SLFN12L: variants seen among roughly 807,000 people sequenced by gnomAD.
SLFN12L encodes schlafen family member 12-like.
In SLFN12L, 34 loss-of-function variants were observed where a neutral mutation model predicts 34.8. The observed-to-expected ratio is 0.98, with a 90% CI of 0.74 to 1.30. SLFN12L has a LOEUF of 1.30. Among genes scored for constraint, SLFN12L ranks in the 50% most tolerant of loss-of-function variants. The probability of loss-of-function intolerance (pLI) is 0.00; values close to 1 mark genes in which losing one functional copy is unlikely to be tolerated. For synonymous variants in SLFN12L, 259 were observed against 247.5 expected (o/e 1.05, Z -0.44); for missense variants, 703 against 696.2 (o/e 1.01, Z -0.11).
chr17:35,497,440 A>T (rs1915129980), intron 2 of SLFN12L, among the ~76,000 whole-genome samples: 1 of 152,016 alleles, frequency 6.6e-6, no homozygotes, highest in African/African-American at 2.4e-5. Context: ...ATAATTTTTT[A>T]AAAAAGCAAA....
intron 2 of SLFN12L, among the ~76,000 whole-genome samples, chr17:35,497,885 G>C (rs1915144809): frequency 6.6e-6 from 1 of 152,134 alleles, no homozygotes; most frequent in East Asian, 1.9e-4. Context: ...AAAAGTCTTA[G>C]TAAGGAAAGG....
At chr17:35,527,737 G>C (rs2072352261) in intron 1 of SLFN12L, among the ~76,000 whole-genome samples, 1 of 152,114 alleles carries the variant, frequency 6.6e-6, no homozygotes, top group African/African-American at 2.4e-5. Flanking sequence ...CAAACCCACA[G>C]CCAGTATCAT....
rs1177886203 is a variant in SLFN12L, at chr17:35,473,414, G to T, written c.*1509C>A. On this transcript the variant is annotated 3_prime_UTR_variant, in exon 5 of 5. Transcript: ENST00000628453. ...TCTGCATCTATTGAGATAATCATAT[G>T]GTTTTTGTCATTGTTTCTGTTTATG... Among the ~76,000 whole-genome samples the T allele has an allele frequency of 6.6e-6, 1 of 152,084 alleles. No individual in the cohort carries two copies. The highest frequency in any genetic ancestry group is 1.9e-4 in the East Asian group (1 of 5,194).
At chr17:35,521,343 T>G (rs967793572) in intron 2 of SLFN12L, among the ~76,000 whole-genome samples, 1 of 152,176 alleles carries the variant, frequency 6.6e-6, no homozygotes, top group Admixed American at 6.5e-5. Flanking sequence ...TGAACCACAG[T>G]AATGTGGTAA....
At chr17:35,491,879 A>G (rs1914852032) in intron 2 of SLFN12L, among the ~76,000 whole-genome samples, 1 of 152,170 alleles carries the variant, frequency 6.6e-6, no homozygotes, top group Admixed American at 6.5e-5. Flanking sequence ...CCTGTTTTCA[A>G]ATATACTTGT....
chr17:35,534,282 A>T (rs2072438404), intron 1 of SLFN12L, among the ~76,000 whole-genome samples: 1 of 152,190 alleles, frequency 6.6e-6, no homozygotes, highest in Non-Finnish European at 1.5e-5. Context: ...GAATCTCTTG[A>T]ACCCGGGAAG....
chr17:35,499,802 AC>A (rs1403424390), intron 2 of SLFN12L: 1 of 206,658 alleles, frequency 4.8e-6, no homozygotes, highest in African/African-American at 2.4e-5. Flanking sequence ...TCAGTGTTCA[AC>A]CTTTTTTGGT....
chr17:35,518,485 A>G (rs1915902409), intron 2 of SLFN12L, among the ~76,000 whole-genome samples: 1 of 150,560 alleles, frequency 6.6e-6, no homozygotes, highest in Non-Finnish European at 1.5e-5. Context: ...CAGGAGGCAG[A>G]GGTTGCAGTA....
At position 35,515,707 on chromosome 17, in the gene SLFN12L, G is replaced by A. The variant is rs377628650; in HGVS notation, c.86+6572C>T. Reference sequence around the variant, plus strand: ...TGCCCAGGCTGGAGTGAAGTGGCACGATCTTGGCTCACTGCAACCTCCATC... The same window carrying A: ...TGCCCAGGCTGGAGTGAAGTGGCACAATCTTGGCTCACTGCAACCTCCATC... On this transcript the variant is annotated intron_variant, in intron 2 of 4. Transcript: ENST00000628453. Among the ~76,000 whole-genome samples the A allele has an allele frequency of 3.3e-4, 45 of 135,922 alleles. No homozygotes were observed. In the East Asian group the frequency reaches 9.8e-3, roughly 30 times the overall value. 89.2% of individuals were successfully genotyped at this position (135,922 alleles called of 152,430 possible). A position where few individuals can be genotyped will look rare whatever the true frequency, so the allele number is the denominator to read the frequency against.
Position 35,522,870 on chromosome 17 carries a change from G to C in SLFN12L, c.-506C>G. On this transcript the variant is annotated 5_prime_UTR_variant, in exon 2 of 5. Transcript: ENST00000628453. Reference sequence around the variant, plus strand: ...GAGGATCACAATTCCCCAGGAGAAAGGTTGGGTTTGCTTATTTATTAACTC... The same window carrying C: ...GAGGATCACAATTCCCCAGGAGAAACGTTGGGTTTGCTTATTTATTAACTC... The C allele has an allele frequency of 1.1e-6, 1 of 920,096 alleles. No homozygotes were observed. Among genetic ancestry groups the C allele is most frequent in the South Asian group, 1.5e-5 (1 of 65,036 alleles). The allele number at this position is 920,096 out of a possible 1,614,324, so 57.0% of individuals were successfully genotyped here.
intron 2 of SLFN12L, among the ~76,000 whole-genome samples, chr17:35,511,527 G>C (rs1915644039): frequency 6.6e-6 from 1 of 151,928 alleles, no homozygotes; most frequent in Non-Finnish European, 1.5e-5. Flanking sequence ...CTTAAGCCCA[G>C]GAGTTAGAGA....
At position 35,474,778 on chromosome 17, in the gene SLFN12L, A is replaced by AG; in HGVS notation, c.*144_*145insC. The AG allele has an allele frequency of 1.2e-6, 1 of 814,540 alleles. No homozygotes were observed. The highest frequency in any genetic ancestry group is 2.9e-5 in the East Asian group (1 of 34,320). The allele number at this position is 814,540 out of a possible 1,614,324, so 50.5% of individuals were successfully genotyped here. ...ATCTCTGCTAAAAATACAAAAAAAA[A>AG]AAAATTAGCCAGGTGTGGTGGCAGG... On this transcript the variant is annotated 3_prime_UTR_variant, in exon 5 of 5. Transcript: ENST00000628453.
rs1306902426 is a variant in SLFN12L at position 35,495,904 on chromosome 17, CA to C, written c.87-15710del. The stretch of plus-strand genomic sequence containing the variant: ...AGCTGGAGAAAGCCGATTTGAAACA[CA>C]CACACACACACACACACACACACAC... On this transcript the variant is annotated intron_variant, in intron 2 of 4. Coordinates refer to ENST00000628453, the MANE Select transcript of SLFN12L (RefSeq NM_001363830.2). 2.8e-4 allele frequency among the ~76,000 whole-genome samples: 4 copies of C among 14,210 alleles called. No homozygotes were observed. The South Asian group carries it at 8.4e-3, about 30-fold the overall frequency. 9.3% of individuals were successfully genotyped at this position (14,210 alleles called of 152,430 possible).
intron 2 of SLFN12L, among the ~76,000 whole-genome samples, chr17:35,491,753 A>C (rs566968472): frequency 1.8e-3 from 274 of 152,372 alleles, no homozygotes; most frequent in Middle Eastern, 3.4e-3. Flanking sequence ...GTATGAAATG[A>C]ATTTCTTCAG....
chr17:35,528,789 A>G (rs2072362781), intron 1 of SLFN12L, among the ~76,000 whole-genome samples: 1 of 152,348 alleles, frequency 6.6e-6, no homozygotes, highest in South Asian at 2.1e-4. Flanking sequence ...ATTGGCAAAG[A>G]CTTCATGACT....
chr17:35,498,699 A>G, intron 2 of SLFN12L: 1 of 1,569,668 alleles, frequency 6.4e-7, no homozygotes, highest in Non-Finnish European at 8.7e-7. Context: ...CCTAGATAAC[A>G]ATTACGTGGT....
intron 2 of SLFN12L, chr17:35,490,297 T>C: frequency 6.8e-7 from 1 of 1,476,052 alleles, no homozygotes; most frequent in Non-Finnish European, 9.5e-7. Flanking sequence ...AAGGAAGAGC[T>C]GCACTAAGAA....
chr17:35,491,513 T>C (rs1456845576), intron 2 of SLFN12L, among the ~76,000 whole-genome samples: 2 of 152,258 alleles, frequency 1.3e-5, no homozygotes, highest in African/African-American at 4.8e-5. Flanking sequence ...TGAGAAAATG[T>C]ACAATCAGTT....
chr17:35,516,133 A>G (rs9904992), intron 2 of SLFN12L, among the ~76,000 whole-genome samples: 7,792 of 152,268 alleles, frequency 0.051, 333 homozygotes, highest in African/African-American at 0.12. Context: ...TATCCACTGA[A>G]GATAGTTTAT....
Sources: allele counts gnomAD v4.1 joint callset (sites outside exome capture counted in the v4.1 genomes callset), GRCh38; gene constraint gnomAD v4.1.1; transcripts MANE v1.5; gene names NCBI Gene and HGNC (gene_info 2026-07-23, HGNC 2026-07-21).